The following CHL1 variants were observed in gnomAD, a reference collection of about 807,000 sequenced individuals.
The protein encoded by CHL1 is neural cell adhesion molecule L1-like protein.
CHL1 carries 96 observed loss-of-function variants against 141.9 expected under a neutral mutation model. The observed-to-expected ratio is 0.68, with a 90% confidence interval of 0.57 to 0.80. CHL1 has a LOEUF of 0.80. Ranked by LOEUF, CHL1 falls within the 30% of genes least tolerant of loss-of-function variation. The probability of loss-of-function intolerance (pLI) is 0.00; values close to 1 mark genes in which losing one functional copy is unlikely to be tolerated. For synonymous variants in CHL1, 613 were observed against 502.2 expected (o/e 1.22, Z -2.95); for missense variants, 1,820 against 1,457.2 (o/e 1.25, Z -4.05).
At chr3:391,947 C>T (rs1229480673) in intron 23 of CHL1, 150 bp downstream of exon 23, 1 of 585,558 alleles carries the variant, frequency 1.7e-6, no homozygotes, top group African/African-American at 1.9e-5. Flanking sequence ...TGTAAACTGG[C>T]TTGCAGGCCA....
intron 2 of CHL1, among the ~76,000 whole-genome samples, chr3:252,385 T>TAA (rs1327168372): frequency 4.3e-5 from 6 of 140,416 alleles, no homozygotes. Context: ...TATATATATA[T>TAA]ATATATATAT....
At chr3:278,203 A>G (rs1351011370) in intron 2 of CHL1, among the ~76,000 whole-genome samples, 1 of 152,168 alleles carries the variant, frequency 6.6e-6, no homozygotes, top group Non-Finnish European at 1.5e-5. Context: ...TCCAAAACAG[A>G]ATTATTTTGC....
chr3:354,829 T>C, intron 11 of CHL1, 58 bp downstream of exon 11: 3 of 1,598,864 alleles, frequency 1.9e-6, no homozygotes, highest in South Asian at 1.1e-5. Context: ...ACGGGATTAA[T>C]GATGGTCAGA....
intron 2 of CHL1, among the ~76,000 whole-genome samples, chr3:259,965 G>A (rs961069808): frequency 6.6e-6 from 1 of 152,076 alleles, no homozygotes; most frequent in African/African-American, 2.4e-5. Context: ...AGTGTAATGA[G>A]TAAATTTTTG....
intron 1 of CHL1, among the ~76,000 whole-genome samples, chr3:201,524 G>A (rs375617252): frequency 1.5e-4 from 23 of 152,110 alleles, no homozygotes; most frequent in East Asian, 7.7e-4. Context: ...GTGTGTGTGC[G>A]TGTGTGTGAT....
At chr3:248,102 T>A (rs1011630254) in intron 2 of CHL1, 1 of 152,104 alleles carries the variant, frequency 6.6e-6, no homozygotes, top group Non-Finnish European at 1.5e-5. Flanking sequence ...AACACCCCAT[T>A]CCCTTCATCC....
At chr3:245,408 G>T (rs1320613873) in intron 2 of CHL1, among the ~76,000 whole-genome samples, 1 of 152,104 alleles carries the variant, frequency 6.6e-6, no homozygotes, top group Non-Finnish European at 1.5e-5. Flanking sequence ...GCCTAAATTA[G>T]ATTATTACGA....
At chr3:236,874 A>G (rs2125068269) in intron 1 of CHL1, among the ~76,000 whole-genome samples, 1 of 128,566 alleles carries the variant, frequency 7.8e-6, no homozygotes, top group South Asian at 2.3e-4. Flanking sequence ...AAAAATAATC[A>G]TAGACTTTTA....
chr3:254,594 T>C (rs1693990847), intron 2 of CHL1, among the ~76,000 whole-genome samples: 1 of 152,184 alleles, frequency 6.6e-6, no homozygotes, highest in African/African-American at 2.4e-5. Context: ...GCTTTTGTGC[T>C]GCTATAATAG....
At chr3:199,398 T>TA (rs1181726020) in intron 1 of CHL1, among the ~76,000 whole-genome samples, 1 of 152,226 alleles carries the variant, frequency 6.6e-6, no homozygotes, top group Non-Finnish European at 1.5e-5. Context: ...CATGTAGACT[T>TA]ACGGATCCTT....
intron 14 of CHL1, among the ~76,000 whole-genome samples, chr3:365,357 A>G (rs1197293808): frequency 6.6e-6 from 1 of 152,204 alleles, no homozygotes; most frequent in African/African-American, 2.4e-5. Context: ...CACTCCCTGT[A>G]ATTCATTCAA....
intron 2 of CHL1, among the ~76,000 whole-genome samples, chr3:310,714 CT>C (rs1699684975): frequency 6.6e-6 from 1 of 152,204 alleles, no homozygotes; most frequent in Admixed American, 6.5e-5. Flanking sequence ...TTTGTTACAA[CT>C]GATGAACCTA....
At chr3:242,466 G>C (rs1288543312) in intron 1 of CHL1, among the ~76,000 whole-genome samples, 1 of 148,438 alleles carries the variant, frequency 6.7e-6, no homozygotes, top group Non-Finnish European at 1.5e-5. Flanking sequence ...CGTGGTGGTG[G>C]GCGCCTGTAG....
chr3:207,130 T>A (rs1467972729), intron 1 of CHL1, among the ~76,000 whole-genome samples: 1 of 152,256 alleles, frequency 6.6e-6, no homozygotes, highest in Non-Finnish European at 1.5e-5. Context: ...TTGGGAGTTT[T>A]AAGAGATTTT....
intron 8 of CHL1, among the ~76,000 whole-genome samples, chr3:344,049 T>C (rs1702561349): frequency 6.6e-6 from 1 of 152,176 alleles, no homozygotes; most frequent in African/African-American, 2.4e-5. Context: ...AGTCATTTCC[T>C]AAAACTGTGT....
intron 1 of CHL1, among the ~76,000 whole-genome samples, chr3:205,470 T>C (rs1343886284): frequency 3.3e-5 from 5 of 152,214 alleles, no homozygotes; most frequent in Non-Finnish European, 5.9e-5. Context: ...GTGAATTGTT[T>C]TTTAAGGAAA....
intron 2 of CHL1, among the ~76,000 whole-genome samples, chr3:266,492 C>T (rs1043800268): frequency 2.6e-5 from 4 of 152,120 alleles, no homozygotes; most frequent in African/African-American, 9.7e-5. Context: ...AAATTATGAG[C>T]AAACTGACTC....
At position 361,679 on chromosome 3, in the gene CHL1, T is replaced by G; in HGVS notation, c.1307-20T>G. On this transcript the variant is annotated intron_variant, in intron 12 of 27. Transcript: ENST00000256509. ...TCTTCCACAAAAGTTTAAAACTGCG[T>G]TTATGTTATTTTCAAATAGATGTCC... 6.4e-7 allele frequency: 1 copy of G among 1,551,394 alleles called. No homozygotes were observed. Among genetic ancestry groups the G allele is most frequent in the Non-Finnish European group, 8.9e-7 (1 of 1,123,536 alleles).
intron 1 of CHL1, among the ~76,000 whole-genome samples, chr3:241,159 T>A (rs951757048): frequency 4.6e-5 from 7 of 152,188 alleles, no homozygotes. Flanking sequence ...TAATTTTGTC[T>A]AGATGGAGTT....
Sources: gnomAD v4.1 joint callset for allele counts (sites outside exome capture counted in the v4.1 genomes callset) on GRCh38, gnomAD v4.1.1 for gene constraint, MANE v1.5 for transcripts, NCBI Gene and HGNC (gene_info 2026-07-23, HGNC 2026-07-21) for gene names.